ARIH1: variants seen among roughly 807,000 people sequenced by gnomAD.
ARIH1 encodes E3 ubiquitin-protein ligase ARIH1.
In ARIH1, 8 loss-of-function variants were observed where a neutral mutation model predicts 85.0. That is an observed-to-expected ratio of 0.09 (90% confidence interval 0.06 to 0.17). The LOEUF is 0.17. Among genes scored for constraint, ARIH1 ranks in the 10% least tolerant of loss-of-function variants. ARIH1 has a pLI of 1.00. For missense variants in ARIH1, 311 were observed against 718.1 expected, an observed-to-expected ratio of 0.43 and a Z score of 6.48; for synonymous variants, 238 against 253.6, an observed-to-expected ratio of 0.94 and a Z score of 0.59.
At chr15:72,524,775 A>T (rs1022358421) in intron 2 of ARIH1, among the ~76,000 whole-genome samples, 5 of 152,242 alleles carry the variant, frequency 3.3e-5, no homozygotes, top group African/African-American at 1.2e-4. Flanking sequence ...GCCAGATCAG[A>T]ATAACCCAGT....
intron 3 of ARIH1, among the ~76,000 whole-genome samples, chr15:72,551,243 A>G (rs1035873346): frequency 1.3e-5 from 2 of 152,238 alleles, no homozygotes; most frequent in Non-Finnish European, 2.9e-5. Flanking sequence ...AACTTCAAAT[A>G]CTAAGATAAA....
chr15:72,551,988 TG>T (rs1309797765), intron 3 of ARIH1, among the ~76,000 whole-genome samples: 1 of 152,230 alleles, frequency 6.6e-6, no homozygotes, highest in Non-Finnish European at 1.5e-5. Flanking sequence ...TACATTGTCA[TG>T]GGCATGAGAA....
At chr15:72,561,691 A>AGTAT (rs1488991426) in intron 6 of ARIH1, 142 bp downstream of exon 6, 1 of 586,256 alleles carries the variant, frequency 1.7e-6, no homozygotes, top group Non-Finnish European at 2.8e-6. Context: ...TTCTCAAAAG[A>AGTAT]GTATGACAGG....
intron 1 of ARIH1, among the ~76,000 whole-genome samples, chr15:72,501,015 T>C (rs2063900674): frequency 6.6e-6 from 1 of 152,238 alleles, no homozygotes; most frequent in Admixed American, 6.5e-5. Context: ...AGACCAAATA[T>C]ACACTATCAG....
intron 1 of ARIH1, among the ~76,000 whole-genome samples, chr15:72,511,996 C>G (rs1022898572): frequency 1.3e-5 from 2 of 152,050 alleles, no homozygotes; most frequent in Admixed American, 1.3e-4. Flanking sequence ...TAAAACTATC[C>G]GTGCAATCCC....
At chr15:72,491,561 A>G (rs1226308700) in intron 1 of ARIH1, among the ~76,000 whole-genome samples, 1 of 152,088 alleles carries the variant, frequency 6.6e-6, no homozygotes, top group Non-Finnish European at 1.5e-5. Flanking sequence ...ATATGAATGA[A>G]TTTTCTAATT....
At chr15:72,535,803 G>C (rs1239445781) in intron 2 of ARIH1, among the ~76,000 whole-genome samples, 5 of 152,082 alleles carry the variant, frequency 3.3e-5, no homozygotes, top group African/African-American at 1.2e-4. Flanking sequence ...TTTGGAAAGA[G>C]GTGGACAAAA....
Position 72,601,753 on chromosome 15 carries a change from T to C in ARIH1, c.*18461T>C, listed in dbSNP as rs2064382953. On this transcript the variant is annotated 3_prime_UTR_variant, in exon 14 of 14. Coordinates refer to ENST00000379887, the MANE Select transcript of ARIH1 (RefSeq NM_005744.5). ...TCTTAGTCGCTATTATTGGAGTAGG[T>C]AATACATCCATATAGTACAAAATTC... 6.6e-6 allele frequency: 1 copy of C among 152,240 alleles called. No homozygotes were observed. Among genetic ancestry groups the C allele is most frequent in the Non-Finnish European group, 1.5e-5 (1 of 68,040 alleles). 9.4% of individuals were successfully genotyped at this position (152,240 alleles called of 1,614,324 possible). A position where few individuals can be genotyped will look rare whatever the true frequency, so the allele number is the denominator to read the frequency against.
intron 1 of ARIH1, among the ~76,000 whole-genome samples, chr15:72,491,351 A>G (rs2063858714): frequency 6.9e-6 from 1 of 145,086 alleles, no homozygotes; most frequent in Non-Finnish European, 1.5e-5. Context: ...CACTGTAAAT[A>G]TTGTTTCTTC....
intron 1 of ARIH1, among the ~76,000 whole-genome samples, chr15:72,501,331 G>T (rs963191958): frequency 6.6e-6 from 1 of 152,140 alleles, no homozygotes; most frequent in Non-Finnish European, 1.5e-5. Flanking sequence ...AAAGTTAGAT[G>T]TATGGTTTTC....
rs28869264 is a variant in ARIH1 at position 72,511,043 on chromosome 15, A to C, written c.376-7024A>C. On this transcript the variant is annotated intron_variant, in intron 1 of 13. Transcript: ENST00000379887. ...TTGGAGTTTGATTGGCATTGAGTGGAATCTATAGGTCAGTTTGGGAAGAAT... is the reference window on the plus strand; with the variant it reads ...TTGGAGTTTGATTGGCATTGAGTGGCATCTATAGGTCAGTTTGGGAAGAAT... Among the ~76,000 whole-genome samples, 1,045 of 152,236 alleles carry C rather than the reference A, an allele frequency of 6.9e-3. 7 individuals are homozygous for C. The highest frequency in any genetic ancestry group is 0.024 in the African/African-American group (991 of 41,548).
At chr15:72,489,536 A>C (rs530814441) in intron 1 of ARIH1, among the ~76,000 whole-genome samples, 15 of 152,216 alleles carry the variant, frequency 9.9e-5, no homozygotes, top group Non-Finnish European at 2.1e-4. Context: ...TGAATAAGTA[A>C]AAATTACTAG....
intron 11 of ARIH1, among the ~76,000 whole-genome samples, chr15:72,575,333 C>T (rs2064265811): frequency 6.6e-6 from 1 of 152,056 alleles, no homozygotes; most frequent in Non-Finnish European, 1.5e-5. Flanking sequence ...AATCCTAGCA[C>T]TTTGGGATGC....
chr15:72,571,217 G>GGGT (rs1322855226), intron 10 of ARIH1, among the ~76,000 whole-genome samples: 2 of 151,606 alleles, frequency 1.3e-5, no homozygotes, highest in East Asian at 3.9e-4. Flanking sequence ...AGCCTCCACT[G>GGGT]GGTGACAGGC....
Position 72,587,348 on chromosome 15 carries a change from T to C in ARIH1, c.*4056T>C. 2.1e-6 allele frequency: 1 copy of C among 470,212 alleles called. No homozygotes were observed. The highest frequency in any genetic ancestry group is 3.4e-4 in the Middle Eastern group (1 of 2,952). The allele number at this position is 470,212 out of a possible 1,614,324, so 29.1% of individuals were successfully genotyped here. The stretch of plus-strand genomic sequence containing the variant: ...AAACCACATTAAAGACTATTATAAA[T>C]GCCTATCACTGCTACTGTTAGAGGT... On this transcript the variant is annotated 3_prime_UTR_variant, in exon 14 of 14. Transcript: ENST00000379887.
chr15:72,549,122 CTG>C (rs1174222002), intron 3 of ARIH1, among the ~76,000 whole-genome samples: 1 of 147,850 alleles, frequency 6.8e-6, no homozygotes, highest in Non-Finnish European at 1.5e-5. Flanking sequence ...GAGCCTTGCT[CTG>C]TCGCCCAGGC....
chr15:72,574,505 TG>T (rs2064261380), intron 11 of ARIH1, among the ~76,000 whole-genome samples: 1 of 152,226 alleles, frequency 6.6e-6, no homozygotes, highest in South Asian at 2.1e-4. Context: ...AGATCCTTGA[TG>T]GTACCTTGAC....
At chr15:72,520,155 A>C (rs530957570) in intron 2 of ARIH1, among the ~76,000 whole-genome samples, 74 of 152,300 alleles carry the variant, frequency 4.9e-4, no homozygotes, top group Middle Eastern at 3.4e-3. Flanking sequence ...TTTAAATTAA[A>C]AGGAGGTTTC....
At chr15:72,546,211 T>C (rs900115811) in intron 3 of ARIH1, among the ~76,000 whole-genome samples, 8 of 152,038 alleles carry the variant, frequency 5.3e-5, no homozygotes, top group Admixed American at 3.3e-4. Flanking sequence ...CTGGCTAATA[T>C]TATATTTATA....
Sources: gnomAD v4.1 joint callset for allele counts (sites outside exome capture counted in the v4.1 genomes callset) on GRCh38, gnomAD v4.1.1 for gene constraint, MANE v1.5 for transcripts, NCBI Gene and HGNC (gene_info 2026-07-23, HGNC 2026-07-21) for gene names.